ZNF680: variants seen among roughly 807,000 people sequenced by gnomAD.
The protein encoded by ZNF680 is zinc finger protein 680, also known as hypothetical protein FLJ90430.
A neutral mutation model predicts 12.1 loss-of-function variants in ZNF680; 6 were observed. That is an observed-to-expected ratio of 0.49 (90% CI 0.27 to 0.98). The LOEUF is 0.98. ZNF680 is among the 50% of genes least tolerant of loss of function. ZNF680 has a pLI of 0.12. For synonymous variants in ZNF680, 170 were observed against 199.3 expected (o/e 0.85, Z 1.24); for missense variants, 561 against 616.3 (o/e 0.91, Z 0.95).
chr7:64,543,463 A>G (rs1414937027), intron 3 of ZNF680, among the ~76,000 whole-genome samples: 3 of 152,244 alleles, frequency 2.0e-5, no homozygotes, highest in Admixed American at 6.5e-5. Flanking sequence ...TAAGCCATAA[A>G]GAGGACTTTG....
intron 1 of ZNF680, among the ~76,000 whole-genome samples, chr7:64,554,658 C>T (rs1208176377): frequency 1.3e-5 from 2 of 152,184 alleles, no homozygotes; most frequent in African/African-American, 4.8e-5. Flanking sequence ...GATTCTTCTG[C>T]CTTGGGATGC....
At chr7:64,557,226 G>A (rs909236402) in intron 1 of ZNF680, among the ~76,000 whole-genome samples, 6 of 151,540 alleles carry the variant, frequency 4.0e-5, no homozygotes, top group African/African-American at 1.5e-4. Flanking sequence ...ACTCCAGACT[G>A]GGCGACAGAG....
At chr7:64,552,349 G>A (rs962237680) in intron 1 of ZNF680, among the ~76,000 whole-genome samples, 2 of 151,930 alleles carry the variant, frequency 1.3e-5, no homozygotes, top group African/African-American at 2.4e-5. Context: ...CACTGTGCTC[G>A]GTCACCACCA....
At chr7:64,536,242 A>G (rs1786161230) in intron 3 of ZNF680, among the ~76,000 whole-genome samples, 2 of 152,212 alleles carry the variant, frequency 1.3e-5, no homozygotes, top group African/African-American at 4.8e-5. Flanking sequence ...TAGACATTAT[A>G]GACTGTATTG....
At chr7:64,525,059 TAA>T (rs1003324498) in intron 3 of ZNF680, 24 of 150,804 alleles carry the variant, frequency 1.6e-4, no homozygotes, top group East Asian at 1.4e-3. Context: ...CCAAAGTATA[TAA>T]AGTCTTAAGA....
At chr7:64,523,108 C>T (rs78589358) in intron 3 of ZNF680, among the ~76,000 whole-genome samples, 5,962 of 152,014 alleles carry the variant, frequency 0.039, 183 homozygotes, top group Non-Finnish European at 0.059. Context: ...TATGCACATA[C>T]AAATAGAATT....
intron 1 of ZNF680, 124 bp from the exon 2 acceptor site, chr7:64,544,556 T>C: frequency 7.0e-7 from 1 of 1,435,504 alleles, no homozygotes; most frequent in Non-Finnish European, 9.2e-7. Context: ...GATTCTGACT[T>C]ACAGGAGTGA....
In ZNF680 at chr7:64,522,381, T is replaced by G. The variant is rs1391928754; in HGVS notation, c.373A>C (p.Ser125Arg). ...CGHENLQLRI[S>R]CKSVDESKVF... ...TTAGACTCATCCACACTTTTACAACTTATTCTTAATTGTAAATTCTCATGT... is the reference window on the plus strand; with the variant it reads ...TTAGACTCATCCACACTTTTACAACGTATTCTTAATTGTAAATTCTCATGT... The change falls in exon 4 of 4, where the codon AGT becomes CGT. Residue 125 changes from serine to arginine, a missense_variant. Physicochemically the swap from Ser to Arg is moderately radical, Grantham distance 110 (BLOSUM62 -1). Transcript: ENST00000309683. 1 of 1,611,824 alleles carries G rather than the reference T, an allele frequency of 6.2e-7. No homozygotes were observed. Among genetic ancestry groups the G allele is most frequent in the Non-Finnish European group, 8.5e-7 (1 of 1,178,998 alleles).
chr7:64,549,958 G>C (rs1171679810), intron 1 of ZNF680, among the ~76,000 whole-genome samples: 1 of 152,136 alleles, frequency 6.6e-6, no homozygotes, highest in Non-Finnish European at 1.5e-5. Context: ...ACTCCAGCCT[G>C]GGCGACAAGA....
chr7:64,549,130 A>C (rs1217589165), intron 1 of ZNF680, among the ~76,000 whole-genome samples: 1 of 151,830 alleles, frequency 6.6e-6, no homozygotes, highest in Admixed American at 6.6e-5. Context: ...AAAAAAAGAA[A>C]AAAAAAAAAA....
rs1791530315 is a variant in ZNF680, at chr7:64,521,532, A to T, written c.1222T>A (p.Cys408Ser). Reference sequence around the variant, plus strand: ...TTAAAAGCTTTGCCACATTCTTCACATTTGTAGGGTTTCTCTCCAGTATGA... The same window carrying T: ...TTAAAAGCTTTGCCACATTCTTCACTTTTGTAGGGTTTCTCTCCAGTATGA... ...RIHTGEKPYK[C>S]EECGKAFNGC... The change falls in exon 4 of 4, where the codon TGT becomes AGT. Residue 408 changes from cysteine to serine, a missense_variant. Coordinates refer to ENST00000309683, the MANE Select transcript of ZNF680 (RefSeq NM_178558.5). The T allele has an allele frequency of 6.2e-7, 1 of 1,613,218 alleles. No homozygotes were observed. The highest frequency in any genetic ancestry group is 1.1e-5 in the South Asian group (1 of 91,080).
Position 64,521,996 on chromosome 7 carries a change from A to T in ZNF680, c.758T>A (p.Leu253His). The change falls in exon 4 of 4, where the codon CTT becomes CAT. Residue 253 changes from leucine (L) to histidine (H), a missense_variant. Physicochemically the swap from Leu to His is moderately conservative, Grantham distance 99. Coordinates refer to ENST00000309683, the MANE Select transcript of ZNF680 (RefSeq NM_178558.5). ...CGKAFNQSSTLIKHKKIHIEE... is the reference protein window; with the variant it reads ...CGKAFNQSSTHIKHKKIHIEE... ...AATATGAATTTTCTTATGTTTAATA[A>T]GGGTTGAGGATTGGTTAAAGGCTTT... 6.2e-7 allele frequency: 1 copy of T among 1,612,616 alleles called. No individual in the cohort carries two copies. The highest frequency in any genetic ancestry group is 8.5e-7 in the Non-Finnish European group (1 of 1,179,462).
chr7:64,531,196 T>G (rs1236054921), intron 3 of ZNF680, among the ~76,000 whole-genome samples: 1 of 152,012 alleles, frequency 6.6e-6, no homozygotes, highest in Non-Finnish European at 1.5e-5. Context: ...CAACAGCGGG[T>G]GAAACTTTCT....
the ZNF680 span, chr7:64,501,131 T>G: frequency 1.0e-6 from 1 of 953,892 alleles, no homozygotes; most frequent in Non-Finnish European, 1.7e-6. Context: ...TCTGCAGCGA[T>G]GTATGGGTCA....
intron 1 of ZNF680, 77 bp downstream of exon 1, chr7:64,562,848 G>C: frequency 1.3e-6 from 2 of 1,557,058 alleles, no homozygotes; most frequent in Admixed American, 3.4e-5. Flanking sequence ...TTGGAGCCTG[G>C]AGTCCTGCCA....
chr7:64,512,139 A>T, the ZNF680 span, among the ~76,000 whole-genome samples: 1 of 150,362 alleles, frequency 6.7e-6, no homozygotes, highest in Non-Finnish European at 1.5e-5. Context: ...TTCTCTTCAT[A>T]AATCTTTTCT....
chr7:64,517,693 A>T (rs906482378), downstream of ZNF680, among the ~76,000 whole-genome samples: 2 of 148,820 alleles, frequency 1.3e-5, no homozygotes, highest in Non-Finnish European at 3.0e-5. Flanking sequence ...AAAATCCTTT[A>T]AAAAAAAAAA....
intron 3 of ZNF680, among the ~76,000 whole-genome samples, chr7:64,528,509 C>G (rs1252986197): frequency 6.6e-6 from 1 of 152,184 alleles, no homozygotes; most frequent in Non-Finnish European, 1.5e-5. Flanking sequence ...AAGACCAGCC[C>G]TTTGGATTGT....
At chr7:64,508,363 A>C in the ZNF680 span, among the ~76,000 whole-genome samples, 158 of 152,172 alleles carry the variant, frequency 1.0e-3, 1 homozygote, top group African/African-American at 3.8e-3. Context: ...TGCCAAGGAT[A>C]GTATTAAAAA....
Sources: allele counts gnomAD v4.1 joint callset (sites outside exome capture counted in the v4.1 genomes callset), GRCh38; gene constraint gnomAD v4.1.1; transcripts MANE v1.5; gene names NCBI Gene and HGNC (gene_info 2026-07-23, HGNC 2026-07-21).